The following VWDE variants were observed in gnomAD, a reference collection of about 807,000 sequenced individuals.
VWDE encodes the protein von Willebrand factor D and EGF domain-containing protein.
In VWDE, 207 loss-of-function variants were observed where a neutral mutation model predicts 178.4. The ratio of observed to expected loss-of-function variants is 1.16; its 90% CI spans 1.04 to 1.30. The LOEUF (loss-of-function observed/expected upper bound fraction) is 1.30, where lower values mean the gene tolerates loss of function less well. Among genes scored for constraint, VWDE ranks in the 50% most tolerant of loss-of-function variants. VWDE has a pLI of 0.00. For synonymous variants in VWDE, 738 were observed against 651.4 expected, an observed-to-expected ratio of 1.13 and a Z score of -2.02; for missense variants, 2,287 against 1,901.3, an observed-to-expected ratio of 1.20 and a Z score of -3.77.
At position 12,373,179 on chromosome 7, in the gene VWDE, T is replaced by C; in HGVS notation, c.1385A>G (p.His462Arg). 8 of 1,551,392 alleles carry C rather than the reference T, an allele frequency of 5.2e-6. No homozygotes were observed. Among genetic ancestry groups the C allele is most frequent in the South Asian group, 1.2e-5 (1 of 84,040 alleles). The stretch of plus-strand genomic sequence containing the variant: ...GCTTCTGCAGTCCCACTGACGTACA[T>C]GGACTTCAAAATCACGTGACATACT... Reference protein sequence around the residue: ...YKSMSRDFEVHVRQWDCRSLH... With the variant: ...YKSMSRDFEVRVRQWDCRSLH... Residue 462 changes from histidine to arginine, a missense_variant, in exon 10 of 29, where the codon CAT becomes CGT. By Grantham distance (29) the His-to-Arg change is conservative. Transcript: ENST00000275358.
intron 9 of VWDE, among the ~76,000 whole-genome samples, chr7:12,374,349 TTTA>T (rs1783390851): frequency 6.6e-6 from 1 of 152,058 alleles, no homozygotes; most frequent in Non-Finnish European, 1.5e-5. Flanking sequence ...TAAAGATTGT[TTTA>T]TTATCATATG....
intron 9 of VWDE, among the ~76,000 whole-genome samples, chr7:12,374,343 G>C (rs1783390130): frequency 1.3e-5 from 2 of 151,852 alleles, no homozygotes; most frequent in African/African-American, 4.8e-5. Context: ...TAAACTTAAA[G>C]ATTGTTTTAT....
rs372513794 is a variant in VWDE at position 12,403,802 on chromosome 7, C to G, written c.-86G>C. 1.3e-3 allele frequency: 1,847 copies of G among 1,420,656 alleles called. 20 individuals carry two copies. In the African/African-American group the frequency reaches 0.023, roughly 17 times the overall value. The allele number at this position is 1,420,656 out of a possible 1,614,324, so 88.0% of individuals were successfully genotyped here. ...ATGGGGCCACAGCAGCCCCTCGGGCCTCCTTTCTTGGATTTTCTCAGTCTG... is the reference window on the plus strand; with the variant it reads ...ATGGGGCCACAGCAGCCCCTCGGGCGTCCTTTCTTGGATTTTCTCAGTCTG... On this transcript the variant is annotated 5_prime_UTR_variant, in exon 1 of 29. Transcript: ENST00000275358.
intron 10 of VWDE, among the ~76,000 whole-genome samples, chr7:12,372,065 G>A (rs2128556128): frequency 6.6e-6 from 1 of 152,170 alleles, no homozygotes; most frequent in South Asian, 2.1e-4. Flanking sequence ...GATATTGTAT[G>A]AAAGATGTTC....
chr7:12,354,233 A>G, intron 18 of VWDE: 1 of 314,446 alleles, frequency 3.2e-6, no homozygotes. Flanking sequence ...AGTTCAATGC[A>G]TGACACTTAA....
At chr7:12,358,471 T>TA (rs1782394097) in intron 16 of VWDE, among the ~76,000 whole-genome samples, 1 of 152,098 alleles carries the variant, frequency 6.6e-6, no homozygotes, top group African/African-American at 2.4e-5. Flanking sequence ...TGTCTTATAT[T>TA]AAAAAATGTC....
chr7:12,384,241 C>T (rs980576914), intron 3 of VWDE, among the ~76,000 whole-genome samples: 1 of 151,978 alleles, frequency 6.6e-6, no homozygotes, highest in African/African-American at 2.4e-5. Flanking sequence ...GTGAAAGAAG[C>T]CAATCTGAAA....
chr7:12,400,436 A>T (rs1279373030), intron 1 of VWDE, among the ~76,000 whole-genome samples: 1 of 152,156 alleles, frequency 6.6e-6, no homozygotes, highest in Non-Finnish European at 1.5e-5. Flanking sequence ...ATATGCCAAT[A>T]ATTATAGATA....
chr7:12,381,776 C>A (rs186100747), intron 4 of VWDE, among the ~76,000 whole-genome samples: 22 of 151,322 alleles, frequency 1.5e-4, no homozygotes, highest in South Asian at 4.2e-4. Flanking sequence ...AAAAATTTAT[C>A]CTTAAATAAA....
Position 12,331,217 on chromosome 7 carries a change from A to G in VWDE, c.4759-20T>C. 2 of 1,539,162 alleles carry G rather than the reference A, an allele frequency of 1.3e-6. No individual in the cohort carries two copies. Among genetic ancestry groups the G allele is most frequent in the East Asian group, 2.5e-5 (1 of 40,686 alleles). On this transcript the variant is annotated intron_variant, in intron 28 of 28. Coordinates refer to ENST00000275358, the MANE Select transcript of VWDE (RefSeq NM_001135924.3). ...TCTTATCTGTAGTAGGAAGAAGGAA[A>G]TTGTGTTTCAATGAATAGTATAAAA...
At position 12,337,158 on chromosome 7, in the gene VWDE, A is replaced by G. The variant is rs1719105745; in HGVS notation, c.4462+19T>C. 1.9e-6 allele frequency: 3 copies of G among 1,551,258 alleles called. No individual in the cohort carries two copies. ...TTGGCTTTAGCTGTAGTTGACAAAT[A>G]CATTTAGTGATGTCTTACTTTTTTG... On this transcript the variant is annotated intron_variant, in intron 25 of 28. Transcript: ENST00000275358.
chr7:12,388,734 A>G (rs1784225316), intron 3 of VWDE: 1 of 329,956 alleles, frequency 3.0e-6, no homozygotes, highest in Non-Finnish European at 6.1e-6. Context: ...GCACAGGATA[A>G]ACATTCAATA....
At chr7:12,389,382 GT>G in intron 2 of VWDE, 24 bp from the exon 3 acceptor site, 1 of 1,500,884 alleles carries the variant, frequency 6.7e-7, no homozygotes, top group Non-Finnish European at 9.0e-7. Flanking sequence ...GAAAACAAAA[GT>G]TGAAAATTCA....
Position 12,340,331 on chromosome 7 carries a change from A to G in VWDE, c.4357T>C (p.Cys1453Arg), listed in dbSNP as rs1334238821. The G allele has an allele frequency of 1.3e-6, 2 of 1,550,440 alleles. No homozygotes were observed. The highest frequency in any genetic ancestry group is 2.4e-5 in the East Asian group (1 of 40,896). ...LCPNGFFGEH[C>R]QNAFCHPPCK... ...AAGAAAGAATAATTACCATTCTGAC[A>G]GTGTTCCCCAAAGAATCCATTTGGA... Residue 1453 changes from cysteine (C) to arginine (R), a missense_variant, in exon 24 of 29, where the codon TGT (cysteine) becomes CGT (arginine). Transcript: ENST00000275358.
In VWDE at chr7:12,375,901, A is replaced by G. The variant is rs1045821697; in HGVS notation, c.1025-674T>C. Among the ~76,000 whole-genome samples the G allele has an allele frequency of 4.6e-5, 7 of 152,110 alleles. No individual in the cohort carries two copies. In the South Asian group the frequency reaches 1.2e-3, roughly 27 times the overall value. ...AGAGAAAAGAACTCCAGGAATTTGT[A>G]TAACTAAACAAAAAGAACAGATTTG... On this transcript the variant is annotated intron_variant, in intron 7 of 28. Transcript: ENST00000275358.
rs1335385212 is a variant in VWDE at position 12,340,320 on chromosome 7, A to G, written c.4366+2T>C. The G allele has an allele frequency of 1.9e-6, 3 of 1,547,916 alleles. No homozygotes were observed. In the Admixed American group the frequency reaches 5.9e-5, roughly 31 times the overall value. On this transcript the variant is annotated splice_donor_variant, in intron 24 of 28. Coordinates refer to ENST00000275358, the MANE Select transcript of VWDE (RefSeq NM_001135924.3). LOFTEE classifies it high-confidence loss of function. ...TTTTACATACAAAGAAAGAATAATT[A>G]CCATTCTGACAGTGTTCCCCAAAGA...
At chr7:12,334,912 A>G (rs1325890818) in intron 27 of VWDE, among the ~76,000 whole-genome samples, 1 of 152,206 alleles carries the variant, frequency 6.6e-6, no homozygotes, top group African/African-American at 2.4e-5. Context: ...AATTGGAATT[A>G]TCAATATTTG....
chr7:12,389,506 A>C lies in VWDE; in HGVS notation c.244-148T>G. 5.0e-6 allele frequency: 3 copies of C among 596,480 alleles called. No homozygotes were observed. In the South Asian group the frequency reaches 7.4e-5, roughly 15 times the overall value. 36.9% of individuals were successfully genotyped at this position (596,480 alleles called of 1,614,324 possible). ...GCTTGTACCTGTTCTATACAAGGAA[A>C]AGTAGTTTTAAGGAATACTAAATTT... On this transcript the variant is annotated intron_variant, in intron 2 of 28. Transcript: ENST00000275358.
At chr7:12,390,018 A>G (rs1188838599) in intron 2 of VWDE, among the ~76,000 whole-genome samples, 2 of 152,082 alleles carry the variant, frequency 1.3e-5, no homozygotes, top group Non-Finnish European at 1.5e-5. Flanking sequence ...CAAAAGAATT[A>G]GCCGGGTGTG....
Sources: allele counts gnomAD v4.1 joint callset (sites outside exome capture counted in the v4.1 genomes callset), GRCh38; gene constraint gnomAD v4.1.1; transcripts MANE v1.5; gene names NCBI Gene and HGNC (gene_info 2026-07-23, HGNC 2026-07-21).